CFAP61: variants seen among roughly 807,000 people sequenced by gnomAD.
CFAP61 encodes cilia- and flagella-associated protein 61.
Under a neutral mutation model 135.6 loss-of-function variants are expected in CFAP61, and 107 were observed. The observed-to-expected ratio is 0.79, with a 90% CI of 0.67 to 0.93. The LOEUF is 0.93. CFAP61 is among the 40% of genes least tolerant of loss of function. The probability of loss-of-function intolerance (pLI) is 0.00; values close to 1 mark genes in which losing one functional copy is unlikely to be tolerated. For synonymous variants in CFAP61, 575 were observed against 578.5 expected (o/e 0.99, Z 0.09); for missense variants, 1,507 against 1,556.2 (o/e 0.97, Z 0.53).
chr20:20,064,032 ACCGC>A (rs2045036405), intron 2 of CFAP61, among the ~76,000 whole-genome samples: 1 of 113,220 alleles, frequency 8.8e-6, no homozygotes, highest in Non-Finnish European at 2.0e-5. Flanking sequence ...AAATAGAGTA[ACCGC>A]CCCCCACCCC....
intron 17 of CFAP61, among the ~76,000 whole-genome samples, chr20:20,210,333 T>C (rs571427533): frequency 6.6e-6 from 1 of 152,252 alleles, no homozygotes; most frequent in Non-Finnish European, 1.5e-5. Flanking sequence ...GCTGTCCCCA[T>C]GTGTTCTTCT....
intron 8 of CFAP61, among the ~76,000 whole-genome samples, chr20:20,106,036 A>G (rs1600680712): frequency 1.5e-5 from 1 of 67,606 alleles, no homozygotes; most frequent in South Asian, 4.6e-4. Context: ...ATATATATAT[A>G]TATATATATA....
At chr20:20,116,500 C>G (rs6106193) in intron 8 of CFAP61, among the ~76,000 whole-genome samples, 1 of 152,124 alleles carries the variant, frequency 6.6e-6, no homozygotes, top group African/African-American at 2.4e-5. Context: ...ACAAAAAATC[C>G]TTGTCCAGAC....
intron 17 of CFAP61, chr20:20,215,015 A>C (rs765157181): frequency 2.6e-5 from 4 of 152,236 alleles, no homozygotes; most frequent in Non-Finnish European, 5.9e-5. Context: ...TCTCTTATTC[A>C]GTCACTTCTT....
chr20:20,169,260 A>G, intron 12 of CFAP61, 61 bp from the exon 13 acceptor site: 1 of 1,481,452 alleles, frequency 6.8e-7, no homozygotes, highest in Non-Finnish European at 9.2e-7. Context: ...TTTTAGAGGA[A>G]TTTGTTTTTT....
chr20:20,219,756 C>T (rs1053865007), intron 17 of CFAP61, among the ~76,000 whole-genome samples: 1 of 152,126 alleles, frequency 6.6e-6, no homozygotes, highest in African/African-American at 2.4e-5. Context: ...ATTATTAAGA[C>T]ATTCATAATC....
intron 25 of CFAP61, among the ~76,000 whole-genome samples, chr20:20,337,538 G>A (rs1602082525): frequency 3.3e-5 from 2 of 61,056 alleles, no homozygotes; most frequent in African/African-American, 5.4e-5. Context: ...GGATAGATGG[G>A]TGGGTGGATG....
Position 20,151,345 on chromosome 20 carries a change from C to CAAA in CFAP61, c.952-8017_952-8015dup, listed in dbSNP as rs140279260. ...AGGCTTTCAAATTAACCCAATTAGA[C>CAAA]AAAAAAAAAAGAATTATTAAAAAAT... On this transcript the variant is annotated intron_variant, in intron 9 of 26. Transcript: ENST00000245957. Among the ~76,000 whole-genome samples, 790 of 148,406 alleles carry CAAA rather than the reference C, an allele frequency of 5.3e-3. 9 individuals are homozygous for CAAA. The highest frequency in any genetic ancestry group is 0.017 in the African/African-American group (701 of 40,620).
At chr20:20,244,299 T>G (rs1188599145) in intron 18 of CFAP61, among the ~76,000 whole-genome samples, 1 of 152,190 alleles carries the variant, frequency 6.6e-6, no homozygotes, top group Non-Finnish European at 1.5e-5. Flanking sequence ...TAGCAGAAGT[T>G]TTCCATGAGA....
intron 21 of CFAP61, among the ~76,000 whole-genome samples, chr20:20,274,904 A>G (rs1254731853): frequency 6.6e-6 from 1 of 152,222 alleles, no homozygotes; most frequent in Non-Finnish European, 1.5e-5. Context: ...GAAAAGTTTG[A>G]GATGAAATCA....
chr20:20,058,589 A>G (rs1214065418), intron 2 of CFAP61, among the ~76,000 whole-genome samples: 17 of 152,236 alleles, frequency 1.1e-4, no homozygotes, highest in Non-Finnish European at 2.4e-4. Context: ...ATATAAACCC[A>G]CTAAATAAAA....
chr20:20,294,974 A>C (rs2055311444), intron 24 of CFAP61, among the ~76,000 whole-genome samples: 1 of 147,292 alleles, frequency 6.8e-6, no homozygotes, highest in Non-Finnish European at 1.5e-5. Flanking sequence ...TAATAATAAT[A>C]ATACCAAAAA....
chr20:20,157,126 G>A (rs1022303360), intron 9 of CFAP61, among the ~76,000 whole-genome samples: 6 of 152,154 alleles, frequency 3.9e-5, no homozygotes, highest in African/African-American at 1.4e-4. Flanking sequence ...AGGCTGGAGT[G>A]CAGTGGCATG....
At chr20:20,251,810 A>C in intron 20 of CFAP61, 47 bp downstream of exon 20, 1 of 1,588,462 alleles carries the variant, frequency 6.3e-7, no homozygotes, top group Non-Finnish European at 8.6e-7. Context: ...GGAGAGCTCC[A>C]TGAAAGCCAT....
intron 21 of CFAP61, among the ~76,000 whole-genome samples, chr20:20,275,493 C>A (rs745484449): frequency 1.1e-4 from 16 of 152,192 alleles, no homozygotes; most frequent in Non-Finnish European, 1.8e-4. Flanking sequence ...GTATCGTCCT[C>A]TCCAGCTGCC....
chr20:20,213,199 C>T (rs59207828), intron 17 of CFAP61, among the ~76,000 whole-genome samples: 10,250 of 152,226 alleles, frequency 0.067, 1,206 homozygotes, highest in East Asian at 0.56. Flanking sequence ...ACACTCAGCC[C>T]GTGCAGCTTT....
intron 17 of CFAP61, among the ~76,000 whole-genome samples, chr20:20,204,433 A>G (rs1469874404): frequency 3.3e-5 from 5 of 152,154 alleles, no homozygotes; most frequent in Non-Finnish European, 7.3e-5. Flanking sequence ...TCTCAGGAAG[A>G]TGTCACTCAC....
chr20:20,075,374 G>A (rs1425908015), intron 5 of CFAP61, 115 bp from the exon 6 acceptor site: 1 of 1,415,286 alleles, frequency 7.1e-7, no homozygotes, highest in Non-Finnish European at 9.8e-7. Flanking sequence ...TGTACCATGT[G>A]CATATTTTAT....
chr20:20,240,143 C>T (rs771871852), intron 18 of CFAP61, among the ~76,000 whole-genome samples: 1 of 152,154 alleles, frequency 6.6e-6, no homozygotes, highest in Non-Finnish European at 1.5e-5. Flanking sequence ...CTGGAGCATG[C>T]CAGTTAGGGC....
Sources: gnomAD v4.1 joint callset for allele counts (sites outside exome capture counted in the v4.1 genomes callset) on GRCh38, gnomAD v4.1.1 for gene constraint, MANE v1.5 for transcripts, NCBI Gene and HGNC (gene_info 2026-07-23, HGNC 2026-07-21) for gene names.